RNF212B: variants seen among roughly 807,000 people sequenced by gnomAD.
RNF212B encodes E3 ubiquitin-protein ligase RNF212B.
In RNF212B, 52 loss-of-function variants were observed where a neutral mutation model predicts 55.5. That is an observed-to-expected ratio of 0.94 (90% confidence interval 0.75 to 1.18). The LOEUF (loss-of-function observed/expected upper bound fraction) is 1.18, where lower values mean the gene tolerates loss of function less well. RNF212B is among the 50% of genes most tolerant of loss of function. RNF212B has a pLI of 0.00. For missense variants in RNF212B, 289 were observed against 350.4 expected (o/e 0.82, Z 1.40); for synonymous variants, 99 against 121.4 (o/e 0.82, Z 1.21).
chr14:23,232,709 G>A (rs568642845), intron 2 of RNF212B, among the ~76,000 whole-genome samples: 7 of 146,036 alleles, frequency 4.8e-5, no homozygotes, highest in South Asian at 2.2e-4. Flanking sequence ...GCCCCCGCCC[G>A]GCCAGCCGCC....
upstream of RNF212B, among the ~76,000 whole-genome samples, chr14:23,237,928 C>A (rs987529086): frequency 6.6e-6 from 1 of 152,230 alleles, no homozygotes; most frequent in African/African-American, 2.4e-5. Context: ...GCCTCGGCTG[C>A]GCCCAGCCTC....
chr14:23,244,136 A>G (rs1231672895), intron 3 of RNF212B, among the ~76,000 whole-genome samples, 186 bp from the exon 4 acceptor site: 2 of 152,192 alleles, frequency 1.3e-5, no homozygotes, highest in Admixed American at 6.5e-5. Context: ...CCACTGTTAC[A>G]GAAGCACAAG....
intron 2 of RNF212B, among the ~76,000 whole-genome samples, chr14:23,240,851 T>C (rs1883517694): frequency 6.6e-6 from 1 of 152,228 alleles, no homozygotes; most frequent in Non-Finnish European, 1.5e-5. Context: ...GAAATGATGA[T>C]GATGATACCT....
chr14:23,220,742 G>A (rs544160719), intron 2 of RNF212B, among the ~76,000 whole-genome samples: 2 of 146,314 alleles, frequency 1.4e-5, no homozygotes, highest in East Asian at 4.2e-4. Context: ...GGAGAATGGC[G>A]TGAACCTGGG....
At chr14:23,248,367 C>T (rs756231647) in intron 4 of RNF212B, among the ~76,000 whole-genome samples, 29 of 150,398 alleles carry the variant, frequency 1.9e-4, no homozygotes, top group African/African-American at 7.4e-5. Context: ...CCTGGGCTCA[C>T]GCAATCTGCC....
At chr14:23,193,815 T>G (rs1878364635) in intron 2 of RNF212B, among the ~76,000 whole-genome samples, 1 of 151,940 alleles carries the variant, frequency 6.6e-6, no homozygotes, top group South Asian at 2.1e-4. Context: ...AGTTTTGTAG[T>G]ACAATATGAC....
At position 23,268,494 on chromosome 14, in the gene RNF212B, T is replaced by A. The variant is rs748133082; in HGVS notation, c.635-430T>A. Among the ~76,000 whole-genome samples the A allele has an allele frequency of 2.2e-3, 332 of 152,366 alleles. 1 individual carries two copies. The highest frequency in any genetic ancestry group is 3.8e-3 in the Non-Finnish European group (260 of 68,038). Reference sequence around the variant, plus strand: ...TTAATTTTCAGATTTCTGAAAAAGTTGATTCTGACCATTATGCCAATTTTC... The same window carrying A: ...TTAATTTTCAGATTTCTGAAAAAGTAGATTCTGACCATTATGCCAATTTTC... On this transcript the variant is annotated intron_variant, in intron 11 of 14. Coordinates refer to ENST00000430154, the MANE Select transcript of RNF212B (RefSeq NM_001282322.3).
chr14:23,225,326 A>G (rs1881911621), intron 2 of RNF212B, among the ~76,000 whole-genome samples: 1 of 152,222 alleles, frequency 6.6e-6, no homozygotes, highest in South Asian at 2.1e-4. Flanking sequence ...AAAGAAAGGA[A>G]ATCAGTATAT....
At chr14:23,272,550 G>C in intron 14 of RNF212B, 1 of 437,534 alleles carries the variant, frequency 2.3e-6, no homozygotes, top group African/African-American at 2.1e-5. Flanking sequence ...GGGTGTGGTA[G>C]TCATATGTCC....
chr14:23,237,184 C>T (rs924357682), upstream of RNF212B, among the ~76,000 whole-genome samples: 1 of 151,312 alleles, frequency 6.6e-6, no homozygotes, highest in African/African-American at 2.4e-5. Context: ...GGCTGAAGTG[C>T]AGTGGCGCGA....
At chr14:23,247,792 G>A (rs149348041) in intron 4 of RNF212B, among the ~76,000 whole-genome samples, 2 of 152,030 alleles carry the variant, frequency 1.3e-5, no homozygotes, top group African/African-American at 2.4e-5. Flanking sequence ...ATATACCTAC[G>A]AGTGGAATTT....
At chr14:23,246,863 G>A (rs761345508) in intron 4 of RNF212B, among the ~76,000 whole-genome samples, 8 of 152,072 alleles carry the variant, frequency 5.3e-5, no homozygotes, top group African/African-American at 9.7e-5. Context: ...ATTGTTGGCC[G>A]GGTGTGGTGG....
intron 11 of RNF212B, among the ~76,000 whole-genome samples, 191 bp from the exon 12 acceptor site, chr14:23,268,733 A>G (rs138134367): frequency 6.6e-6 from 1 of 152,334 alleles, no homozygotes; most frequent in East Asian, 1.9e-4. Flanking sequence ...GACTCATGAA[A>G]GGGAGAGGAA....
In RNF212B at chr14:23,270,650, C is replaced by T; in HGVS notation, c.823C>T (p.Pro275Ser). The part of the protein sequence containing the change: ...TLESLPSFQL[P>S]VLQTLYQQRR... ...AGAGAGTCTTCCTAGTTTCCAGCTACCAGTCCTGCAGGTGAGACCTGGCTA... is the reference window on the plus strand; with the variant it reads ...AGAGAGTCTTCCTAGTTTCCAGCTATCAGTCCTGCAGGTGAGACCTGGCTA... Residue 275 changes from proline to serine, a missense_variant, in exon 14 of 15, where the codon CCA (proline) becomes TCA (serine). Pro to Ser is a moderately conservative substitution (Grantham distance 74, BLOSUM62 -1). Transcript: ENST00000430154. 5 of 1,549,688 alleles carry T rather than the reference C, an allele frequency of 3.2e-6. No homozygotes were observed. In the South Asian group the frequency reaches 6.0e-5, roughly 18 times the overall value.
Position 23,195,409 on chromosome 14 carries a change from G to A in RNF212B, c.-2+2008G>A, listed in dbSNP as rs112180476. On this transcript the variant is annotated intron_variant, in intron 2 of 15. Transcript: ENST00000399910. ...AAATGGAATTATAAGCGCTTGACTC[G>A]TAGCCCATCTTCACCATATCTCTTG... Among the ~76,000 whole-genome samples, 5 of 152,248 alleles carry A rather than the reference G, an allele frequency of 3.3e-5. 1 individual carries two copies. Among genetic ancestry groups the A allele is most frequent in the African/African-American group, 4.8e-5 (2 of 41,538 alleles).
intron 2 of RNF212B, among the ~76,000 whole-genome samples, chr14:23,203,129 C>T (rs1879478817): frequency 6.6e-6 from 1 of 151,742 alleles, no homozygotes; most frequent in South Asian, 2.1e-4. Context: ...CTCTCATCCC[C>T]CCAACCCTCA....
At chr14:23,264,768 T>C in intron 11 of RNF212B, 97 bp downstream of exon 11, 1 of 692,128 alleles carries the variant, frequency 1.4e-6, no homozygotes, top group Non-Finnish European at 2.0e-6. Context: ...CCATTTCACT[T>C]GTTTTTTTTT....
chr14:23,236,243 C>T (rs1288794349), upstream of RNF212B, among the ~76,000 whole-genome samples: 22 of 152,138 alleles, frequency 1.4e-4, no homozygotes, highest in Admixed American at 1.4e-3. Flanking sequence ...TGGCCAGGCG[C>T]GGTGGCTCAC....
At chr14:23,212,440 A>T (rs1189027032) in intron 2 of RNF212B, among the ~76,000 whole-genome samples, 1 of 152,224 alleles carries the variant, frequency 6.6e-6, no homozygotes, top group East Asian at 1.9e-4. Context: ...GGAATCTGTG[A>T]AAAAGCTCTA....
Sources: gnomAD v4.1 joint callset for allele counts (sites outside exome capture counted in the v4.1 genomes callset) on GRCh38, gnomAD v4.1.1 for gene constraint, MANE v1.5 for transcripts, NCBI Gene and HGNC (gene_info 2026-07-23, HGNC 2026-07-21) for gene names.